The following ADAMTS2 variants were observed in gnomAD, a reference collection of about 807,000 sequenced individuals.
The protein encoded by ADAMTS2 is ADAM metallopeptidase with thrombospondin type 1 motif 2, also known as A disintegrin and metalloproteinase with thrombospondin motifs 2.
Under a neutral mutation model 123.0 loss-of-function variants are expected in ADAMTS2, and 50 were observed. The observed-to-expected ratio is 0.41, with a 90% confidence interval of 0.32 to 0.51. The LOEUF is 0.51. Ranked by LOEUF, ADAMTS2 falls within the 20% of genes least tolerant of loss-of-function variation. The probability of loss-of-function intolerance (pLI) is 0.35; values close to 1 mark genes in which losing one functional copy is unlikely to be tolerated. For missense variants in ADAMTS2, 1,494 were observed against 1,705.2 expected (o/e 0.88, Z 2.18); for synonymous variants, 678 against 695.4 (o/e 0.98, Z 0.39).
chr5:179,316,525 G>A (rs1418798708), intron 2 of ADAMTS2, among the ~76,000 whole-genome samples: 1 of 152,196 alleles, frequency 6.6e-6, no homozygotes, highest in Admixed American at 6.5e-5. Flanking sequence ...TCCCAGGGAT[G>A]GCATTTGAGA....
chr5:179,236,944 G>A (rs1318198128), intron 3 of ADAMTS2, among the ~76,000 whole-genome samples: 1 of 152,152 alleles, frequency 6.6e-6, no homozygotes, highest in Non-Finnish European at 1.5e-5. Flanking sequence ...TCATGAATGG[G>A]ATTAGTGCCC....
At chr5:179,298,565 T>C (rs1393921344) in intron 2 of ADAMTS2, among the ~76,000 whole-genome samples, 1 of 152,158 alleles carries the variant, frequency 6.6e-6, no homozygotes, top group East Asian at 1.9e-4. Flanking sequence ...TCTGTGATAT[T>C]TTGTTATGGC....
At chr5:179,276,083 C>T (rs74472167) in intron 2 of ADAMTS2, among the ~76,000 whole-genome samples, 2 of 152,212 alleles carry the variant, frequency 1.3e-5, no homozygotes, top group East Asian at 1.9e-4. Context: ...GCAGGCCCCA[C>T]GCTTCTGACT....
intron 3 of ADAMTS2, among the ~76,000 whole-genome samples, chr5:179,208,700 CGAT>C (rs1764778931): frequency 6.6e-6 from 1 of 152,186 alleles, no homozygotes; most frequent in South Asian, 2.1e-4. Flanking sequence ...CCTGCAGCAT[CGAT>C]GGCAGCCCCA....
At chr5:179,288,718 C>A (rs2113540098) in intron 2 of ADAMTS2, among the ~76,000 whole-genome samples, 1 of 152,348 alleles carries the variant, frequency 6.6e-6, no homozygotes. Context: ...ATCCAGAATG[C>A]AGGCAGGCTC....
rs1161149397 is a variant in ADAMTS2, at chr5:179,128,854, G to C, written c.2458-736C>G. Among the ~76,000 whole-genome samples the C allele has an allele frequency of 3.9e-5, 6 of 152,090 alleles. No homozygotes were observed. The highest frequency in any genetic ancestry group is 8.8e-5 in the Non-Finnish European group (6 of 68,036). ...CTGCTTCCTGGGCTTAGGAACACTGGACAGCACTTCAGCAACAGGCTCAGG... is the reference window on the plus strand; with the variant it reads ...CTGCTTCCTGGGCTTAGGAACACTGCACAGCACTTCAGCAACAGGCTCAGG... On this transcript the variant is annotated intron_variant, in intron 16 of 21. Transcript: ENST00000251582. The surrounding 1 kb of genome is among the most constrained non-coding windows in gnomAD (Gnocchi z 4.9).
At chr5:179,265,493 C>A (rs905405420) in intron 3 of ADAMTS2, among the ~76,000 whole-genome samples, 1 of 152,162 alleles carries the variant, frequency 6.6e-6, no homozygotes, top group Non-Finnish European at 1.5e-5. Context: ...AAGGGGGGCC[C>A]AGCCCTCGCT....
chr5:179,219,721 G>A (rs1381345336), intron 3 of ADAMTS2, among the ~76,000 whole-genome samples: 3 of 152,188 alleles, frequency 2.0e-5, no homozygotes, highest in African/African-American at 7.2e-5. Context: ...CAGGGCTGGG[G>A]CTTCCTGTCT....
At chr5:179,245,765 CAAAAAAAAAAAA>C (rs1171837041) in intron 3 of ADAMTS2, among the ~76,000 whole-genome samples, 612 of 17,182 alleles carry the variant, frequency 0.036, 3 homozygotes, top group Admixed American at 0.059. Flanking sequence ...GACTCCGTCT[CAAAAAAAAAAAA>C]AAAAAAAAAA....
chr5:179,135,352 C>T (rs1448161273), intron 13 of ADAMTS2, among the ~76,000 whole-genome samples: 1 of 152,216 alleles, frequency 6.6e-6, no homozygotes, highest in Admixed American at 6.5e-5. Flanking sequence ...GGGAGCCTGG[C>T]AGGGACAAGT....
intron 2 of ADAMTS2, among the ~76,000 whole-genome samples, chr5:179,291,824 C>G (rs578049972): frequency 6.6e-6 from 1 of 151,842 alleles, no homozygotes. Context: ...GCAGCCTGGA[C>G]CCCCTGGGCT....
At chr5:179,179,554 ATC>A (rs1464941737) in intron 5 of ADAMTS2, among the ~76,000 whole-genome samples, 1 of 152,106 alleles carries the variant, frequency 6.6e-6, no homozygotes, top group Non-Finnish European at 1.5e-5. Flanking sequence ...CCTTATTAGC[ATC>A]TAATCTGTGA....
chr5:179,329,689 A>T (rs534775731), intron 2 of ADAMTS2, among the ~76,000 whole-genome samples: 1 of 152,236 alleles, frequency 6.6e-6, no homozygotes, highest in African/African-American at 2.4e-5. Flanking sequence ...CCGAAGAAAC[A>T]AAACACCAGC....
chr5:179,216,628 AAGC>A (rs1727568400), intron 3 of ADAMTS2, among the ~76,000 whole-genome samples: 2 of 152,298 alleles, frequency 1.3e-5, no homozygotes, highest in Middle Eastern at 6.8e-3. Context: ...GTTCCCGGAG[AAGC>A]AGAAGTCAGA....
intron 3 of ADAMTS2, among the ~76,000 whole-genome samples, chr5:179,269,851 G>C (rs1368465956): frequency 6.6e-6 from 1 of 152,094 alleles, no homozygotes; most frequent in East Asian, 1.9e-4. Flanking sequence ...AGAATGCCTG[G>C]GGGGACACCT....
chr5:179,182,733 CCT>C (rs986886238), intron 4 of ADAMTS2, among the ~76,000 whole-genome samples: 12 of 152,194 alleles, frequency 7.9e-5, no homozygotes, highest in African/African-American at 2.9e-4. Context: ...ACAACTCCCA[CCT>C]CTCTTTCCTA....
rs967986960 is a variant in ADAMTS2 at position 179,234,558 on chromosome 5, G to T, written c.689-26843C>A. 5.6e-5 allele frequency among the ~76,000 whole-genome samples: 7 copies of T among 123,970 alleles called. No homozygotes were observed. Among genetic ancestry groups the T allele is most frequent in the South Asian group, 2.5e-4 (1 of 3,926 alleles). 81.3% of individuals were successfully genotyped at this position (123,970 alleles called of 152,430 possible). ...TGCACCTCCCCAGGCTCCAGACCCC[G>T]CCCCCTGCTGCCTGCAACTGCCCCT... On this transcript the variant is annotated intron_variant, in intron 3 of 21. Coordinates refer to ENST00000251582, the MANE Select transcript of ADAMTS2 (RefSeq NM_014244.5). This position sits in a 1 kb window ranked among gnomAD's most constrained non-coding sequence, Gnocchi z 4.7.
rs1365409224 is a variant in ADAMTS2, at chr5:179,128,877, AG to A, written c.2458-760del. Among the ~76,000 whole-genome samples the A allele has an allele frequency of 6.6e-6, 1 of 152,198 alleles. No homozygotes were observed. Among genetic ancestry groups the A allele is most frequent in the African/African-American group, 2.4e-5 (1 of 41,448 alleles). ...TGGACAGCACTTCAGCAACAGGCTC[AG>A]GGTGATTTTCAACAGCGAAATCGCC... On this transcript the variant is annotated intron_variant, in intron 16 of 21. Coordinates refer to ENST00000251582, the MANE Select transcript of ADAMTS2 (RefSeq NM_014244.5). This position sits in a 1 kb window ranked among gnomAD's most constrained non-coding sequence, Gnocchi z 4.9.
At chr5:179,323,733 A>G (rs1757244223) in intron 2 of ADAMTS2, among the ~76,000 whole-genome samples, 1 of 152,240 alleles carries the variant, frequency 6.6e-6, no homozygotes, top group East Asian at 1.9e-4. Context: ...TGCAGACCAG[A>G]CCAAATGGTG....
Sources: allele counts gnomAD v4.1 joint callset (sites outside exome capture counted in the v4.1 genomes callset), GRCh38; gene constraint gnomAD v4.1.1; non-coding constraint Gnocchi (gnomAD v3.1); transcripts MANE v1.5; gene names NCBI Gene and HGNC (gene_info 2026-07-23, HGNC 2026-07-21).